Variants in SOX13 observed in about 807,000 individuals in gnomAD.
SOX13 encodes the protein transcription factor SOX-13.
A neutral mutation model predicts 71.8 loss-of-function variants in SOX13; 28 were observed. The ratio of observed to expected loss-of-function variants is 0.39; its 90% CI spans 0.29 to 0.53. The LOEUF is 0.53. SOX13 is among the 20% of genes least tolerant of loss of function. The pLI, the probability that SOX13 is intolerant of heterozygous loss-of-function variation, is 0.70. For missense variants in SOX13, 627 were observed against 810.3 expected (o/e 0.77, Z 2.75); for synonymous variants, 309 against 317.8 (o/e 0.97, Z 0.29).
rs114890925 is a variant in SOX13 at position 204,109,658 on chromosome 1, A to T, written c.-1-3257A>T. On this transcript the variant is annotated intron_variant, in intron 1 of 13. Transcript: ENST00000367204. ...ACATGTTTATGCTATTAATTGATGT[A>T]GGACTGTATATAGTCATCCCGCTGT... Among the ~76,000 whole-genome samples, 331 of 152,294 alleles carry T rather than the reference A, an allele frequency of 2.2e-3. 1 individual carries two copies. The highest frequency in any genetic ancestry group is 7.6e-3 in the African/African-American group (315 of 41,566).
chr1:204,093,813 T>TAAATA, intron 1 of SOX13, among the ~76,000 whole-genome samples: 1 of 152,336 alleles, frequency 6.6e-6, no homozygotes, highest in South Asian at 2.1e-4. Flanking sequence ...GCTTAGCTTG[T>TAAATA]GATCACTCAG....
intron 1 of SOX13, among the ~76,000 whole-genome samples, chr1:204,076,869 G>A (rs984657633): frequency 2.0e-5 from 3 of 152,230 alleles, no homozygotes; most frequent in African/African-American, 7.2e-5. Context: ...GCTACGCAGT[G>A]GGATAACAGG....
intron 1 of SOX13, 34 bp from the exon 2 acceptor site, chr1:204,112,881 G>T: frequency 6.3e-7 from 1 of 1,577,918 alleles, no homozygotes; most frequent in East Asian, 2.2e-5. Flanking sequence ...TTACGACTGG[G>T]GACTCACCTC....
At chr1:204,105,738 G>A (rs868841537) in intron 1 of SOX13, among the ~76,000 whole-genome samples, 35 of 152,116 alleles carry the variant, frequency 2.3e-4, no homozygotes, top group African/African-American at 7.7e-4. Context: ...CAAAAGCTGC[G>A]TGAACTCAAC....
rs184719818 is a variant in SOX13, at chr1:204,100,678, C to T, written c.-1-12237C>T. On this transcript the variant is annotated intron_variant, in intron 1 of 13. Coordinates refer to ENST00000367204, the MANE Select transcript of SOX13 (RefSeq NM_005686.3). ...ATAGGGTAGATAATGGGAGAGGAAACGCAGCCTTTGGAGAGAAAAAGAACG... is the reference window on the plus strand; with the variant it reads ...ATAGGGTAGATAATGGGAGAGGAAATGCAGCCTTTGGAGAGAAAAAGAACG... Among the ~76,000 whole-genome samples, 237 of 150,428 alleles carry T rather than the reference C, an allele frequency of 1.6e-3. 2 individuals are homozygous for T. Among genetic ancestry groups the T allele is most frequent in the Non-Finnish European group, 2.2e-3 (147 of 67,632 alleles).
chr1:204,087,085 G>A (rs1045231721), intron 1 of SOX13, among the ~76,000 whole-genome samples: 1 of 152,084 alleles, frequency 6.6e-6, no homozygotes, highest in Non-Finnish European at 1.5e-5. Context: ...CACCAGGCCC[G>A]GCTAATTTTT....
intron 6 of SOX13, 64 bp from the exon 7 acceptor site, chr1:204,117,529 G>T (rs1656719081): frequency 1.9e-6 from 2 of 1,026,274 alleles, no homozygotes; most frequent in Admixed American, 4.2e-5. Flanking sequence ...TGTGCCATGG[G>T]CTGACCATAG....
At chr1:204,124,302 A>T (rs1322466942) in intron 12 of SOX13, among the ~76,000 whole-genome samples, 1 of 152,184 alleles carries the variant, frequency 6.6e-6, no homozygotes, top group Non-Finnish European at 1.5e-5. Flanking sequence ...TTTTGTCCTG[A>T]GCAGGGAGCC....
At chr1:204,111,257 G>A (rs1656574989) in intron 1 of SOX13, among the ~76,000 whole-genome samples, 1 of 152,224 alleles carries the variant, frequency 6.6e-6, no homozygotes, top group African/African-American at 2.4e-5. Context: ...ATCCTATAGT[G>A]TAGAGACTCT....
intron 1 of SOX13, among the ~76,000 whole-genome samples, chr1:204,079,634 A>C (rs560607563): frequency 6.6e-6 from 1 of 152,176 alleles, no homozygotes; most frequent in South Asian, 2.1e-4. Flanking sequence ...GGTGAGAACC[A>C]CCGAGCCTGG....
chr1:204,116,917 C>T (rs1380075417), intron 5 of SOX13, among the ~76,000 whole-genome samples: 2 of 152,156 alleles, frequency 1.3e-5, no homozygotes, highest in African/African-American at 2.4e-5. Context: ...CTTGCAGCTT[C>T]CTGCCCAGCC....
At chr1:204,092,665 G>A (rs754370788) in intron 1 of SOX13, among the ~76,000 whole-genome samples, 1 of 152,188 alleles carries the variant, frequency 6.6e-6, no homozygotes, top group Non-Finnish European at 1.5e-5. Flanking sequence ...TGTGGAGGTG[G>A]TTGTTGAAGT....
At chr1:204,116,478 T>C (rs758631639) in intron 4 of SOX13, 29 bp from the exon 5 acceptor site, 2 of 1,613,040 alleles carry the variant, frequency 1.2e-6, no homozygotes, top group Non-Finnish European at 1.7e-6. Context: ...GTAAAAAGTC[T>C]CAATGGGGTC....
intron 1 of SOX13, among the ~76,000 whole-genome samples, chr1:204,076,493 G>T (rs80010919): frequency 2.0e-5 from 3 of 151,940 alleles, no homozygotes; most frequent in African/African-American, 7.3e-5. Context: ...AGGGGCAAAA[G>T]TGTCACCTCC....
intron 1 of SOX13, among the ~76,000 whole-genome samples, chr1:204,099,533 C>G (rs905707482): frequency 1.3e-5 from 2 of 150,842 alleles, no homozygotes; most frequent in Non-Finnish European, 2.9e-5. Flanking sequence ...TCAAGCCATC[C>G]TCCCGAGTAG....
Position 204,124,801 on chromosome 1 carries a change from G to C in SOX13, c.1536G>C (p.Glu512Asp). ...AGGGCAAGCGGCTGCGCGTGGGAGA[G>C]TACAAGGCCCTGATGAGGACCCGGC... ...IVEGKRLRVGEYKALMRTRRQ... is the reference protein window; with the variant it reads ...IVEGKRLRVGDYKALMRTRRQ... Residue 512 changes from glutamate to aspartate, a missense_variant, in exon 13 of 14, where the codon GAG (glutamate) becomes GAC (aspartate). This residue lies in a region of SOX13 where 148 missense variants were observed against 192.7 expected (regional missense o/e 0.77). Coordinates refer to ENST00000367204, the MANE Select transcript of SOX13 (RefSeq NM_005686.3). 3.8e-6 allele frequency: 6 copies of C among 1,593,496 alleles called. No individual in the cohort carries two copies. Among genetic ancestry groups the C allele is most frequent in the Non-Finnish European group, 5.1e-6 (6 of 1,170,676 alleles).
chr1:204,091,733 CGTGTGTGTGT>C (rs4018610), intron 1 of SOX13, among the ~76,000 whole-genome samples: 156 of 150,382 alleles, frequency 1.0e-3, no homozygotes, highest in African/African-American at 3.7e-3. Context: ...TGTGCGTGTG[CGTGTGTGTGT>C]GTGTGTGTGT....
Position 204,126,070 on chromosome 1 carries a change from G to GCGAGGA in SOX13, c.1813_1818dup (p.Glu605_Asp606dup), listed in dbSNP as rs577014422. Reference sequence around the variant, plus strand: ...GCTGATGGCGAGATGTACCGGTACAGCGAGGACGAGGACTCGGAGGGCGAA... The same window carrying GCGAGGA: ...GCTGATGGCGAGATGTACCGGTACAGCGAGGACGAGGACGAGGACTCGGAGGGCGAA... On this transcript the variant is annotated inframe_insertion, in exon 14 of 14. Coordinates refer to ENST00000367204, the MANE Select transcript of SOX13 (RefSeq NM_005686.3). 175 of 1,614,016 alleles carry GCGAGGA rather than the reference G, an allele frequency of 1.1e-4. No homozygotes were observed. The African/African-American group carries it at 2.0e-3, about 18-fold the overall frequency.
At chr1:204,105,509 G>A (rs530787694) in intron 1 of SOX13, among the ~76,000 whole-genome samples, 16 of 150,990 alleles carry the variant, frequency 1.1e-4, no homozygotes, top group African/African-American at 3.2e-4. Context: ...GGGTTTGAGC[G>A]ATTCTCCTGC....
Sources: gnomAD v4.1 joint callset for allele counts (sites outside exome capture counted in the v4.1 genomes callset) on GRCh38, gnomAD v4.1.1 for gene constraint, gnomAD v4.1.1 regional missense constraint, MANE v1.5 for transcripts, NCBI Gene and HGNC (gene_info 2026-07-23, HGNC 2026-07-21) for gene names.